Variants in DBX2 observed in about 807,000 individuals in gnomAD.
DBX2 encodes developing brain homeobox 2.
DBX2 carries 16 observed loss-of-function variants against 17.7 expected under a neutral mutation model. That is an observed-to-expected ratio of 0.90 (90% confidence interval 0.61 to 1.37). The LOEUF is 1.37. Ranked by LOEUF, DBX2 falls within the 40% of genes most tolerant of loss-of-function variation. The pLI, the probability that DBX2 is intolerant of heterozygous loss-of-function variation, is 0.00. For synonymous variants in DBX2, 255 were observed against 183.8 expected (o/e 1.39, Z -3.13); for missense variants, 538 against 433.8 (o/e 1.24, Z -2.13).
intron 1 of DBX2, among the ~76,000 whole-genome samples, chr12:45,043,177 A>T (rs928240616): frequency 1.2e-4 from 18 of 152,148 alleles, no homozygotes; most frequent in African/African-American, 4.1e-4. Context: ...CCTGGGACAG[A>T]TTTTAAATGA....
intron 3 of DBX2, among the ~76,000 whole-genome samples, chr12:45,018,178 C>CATTT (rs1447773733): frequency 6.6e-6 from 1 of 152,140 alleles, no homozygotes; most frequent in Non-Finnish European, 1.5e-5. Flanking sequence ...TTGCAGTGGG[C>CATTT]ATTTACTCCT....
chr12:45,050,986 C>T lies in DBX2; in HGVS notation c.-59G>A, dbSNP rs1429671688. ...CTTGCGCCCGCCTGTCGCCCGGGCG[C>T]CCCGCACCGCACCCAGAGCCGCAGC... On this transcript the variant is annotated 5_prime_UTR_variant, in exon 1 of 4. Transcript: ENST00000332700. The T allele has an allele frequency of 1.7e-5, 23 of 1,341,868 alleles. No homozygotes were observed. Among genetic ancestry groups the T allele is most frequent in the Middle Eastern group, 5.4e-4 (2 of 3,688 alleles). 83.1% of individuals were successfully genotyped at this position (1,341,868 alleles called of 1,614,324 possible).
chr12:45,032,872 T>G (rs1361990480), intron 2 of DBX2, among the ~76,000 whole-genome samples: 1 of 152,258 alleles, frequency 6.6e-6, no homozygotes, highest in African/African-American at 2.4e-5. Context: ...TCCTACACTT[T>G]AAGTAATTTT....
At chr12:45,037,429 C>A (rs1218163800) in intron 1 of DBX2, among the ~76,000 whole-genome samples, 8 of 152,140 alleles carry the variant, frequency 5.3e-5, no homozygotes, top group Non-Finnish European at 7.4e-5. Flanking sequence ...CTTCCCTGGT[C>A]TTAGGGAAAG....
At chr12:45,022,267 G>A (rs543558643) in intron 3 of DBX2, among the ~76,000 whole-genome samples, 2 of 150,420 alleles carry the variant, frequency 1.3e-5, no homozygotes, top group East Asian at 3.9e-4. Flanking sequence ...CACTTCCCTA[G>A]GGTCAAGGAG....
At chr12:45,016,787 T>C (rs2731054) in intron 3 of DBX2, among the ~76,000 whole-genome samples, 169 bp from the exon 4 acceptor site, 79,016 of 151,720 alleles carry the variant, frequency 0.52, 21,113 homozygotes, top group East Asian at 0.81. Context: ...AAATATCCCA[T>C]TGTATTTTAT....
chr12:45,042,526 C>G (rs1946477164), intron 1 of DBX2, among the ~76,000 whole-genome samples: 1 of 152,128 alleles, frequency 6.6e-6, no homozygotes, highest in Non-Finnish European at 1.5e-5. Flanking sequence ...GGACAAAGCC[C>G]CACGGGTGAA....
At chr12:45,044,486 A>T (rs1368659058) in intron 1 of DBX2, among the ~76,000 whole-genome samples, 1 of 152,162 alleles carries the variant, frequency 6.6e-6, no homozygotes, top group Non-Finnish European at 1.5e-5. Flanking sequence ...TATATATTCT[A>T]TTTCTGATGG....
intron 2 of DBX2, among the ~76,000 whole-genome samples, chr12:45,031,418 T>A (rs1946410680): frequency 6.6e-6 from 1 of 152,044 alleles, no homozygotes; most frequent in East Asian, 1.9e-4. Flanking sequence ...TAGAAATCAT[T>A]CCCTTATAAC....
At chr12:45,024,801 C>G (rs1447008472) in intron 2 of DBX2, among the ~76,000 whole-genome samples, 3 of 152,242 alleles carry the variant, frequency 2.0e-5, no homozygotes, top group Middle Eastern at 3.4e-3. Flanking sequence ...CTGACATAAA[C>G]CTGGGATAGG....
At chr12:45,039,993 C>T (rs1183574065) in intron 1 of DBX2, among the ~76,000 whole-genome samples, 2 of 152,102 alleles carry the variant, frequency 1.3e-5, no homozygotes, top group African/African-American at 4.8e-5. Flanking sequence ...TCATATCCTA[C>T]TATGATGGTT....
At chr12:45,037,791 T>C (rs1301808429) in intron 1 of DBX2, among the ~76,000 whole-genome samples, 1 of 152,056 alleles carries the variant, frequency 6.6e-6, no homozygotes, top group South Asian at 2.1e-4. Flanking sequence ...TGCTTTAAAA[T>C]TGCAAATTAA....
chr12:45,033,850 C>T (rs898080558), intron 2 of DBX2, among the ~76,000 whole-genome samples: 1 of 152,030 alleles, frequency 6.6e-6, no homozygotes, highest in African/African-American at 2.4e-5. Context: ...CTTCATAAAC[C>T]TCCAGGGATA....
chr12:45,029,637 G>A (rs1946398218), intron 2 of DBX2, among the ~76,000 whole-genome samples: 1 of 152,120 alleles, frequency 6.6e-6, no homozygotes, highest in African/African-American at 2.4e-5. Context: ...GGCGGAGGTG[G>A]GCAGATTGCC....
At chr12:45,049,659 A>T (rs535845334) in intron 1 of DBX2, among the ~76,000 whole-genome samples, 2 of 118,506 alleles carry the variant, frequency 1.7e-5, no homozygotes, top group Admixed American at 1.6e-4. Flanking sequence ...TTAAGGACGC[A>T]GCCAAAAAAA....
intron 1 of DBX2, among the ~76,000 whole-genome samples, chr12:45,047,786 T>C (rs1032035921): frequency 1.3e-5 from 2 of 152,130 alleles, no homozygotes; most frequent in African/African-American, 4.8e-5. Context: ...TCTGAAGATT[T>C]TGGGCAATTT....
intron 1 of DBX2, among the ~76,000 whole-genome samples, chr12:45,038,503 A>G (rs1056264261): frequency 3.3e-5 from 5 of 151,078 alleles, no homozygotes; most frequent in African/African-American, 7.3e-5. Flanking sequence ...TGTATGCAAT[A>G]TGTGTGTGTG....
chr12:45,022,321 T>TTTG (rs1565580636), intron 3 of DBX2, among the ~76,000 whole-genome samples: 1 of 147,986 alleles, frequency 6.8e-6, no homozygotes, highest in African/African-American at 2.5e-5. Flanking sequence ...TTTTTTTTTT[T>TTTG]GAGATGGAGT....
chr12:45,028,462 C>T (rs1388319667), intron 2 of DBX2, among the ~76,000 whole-genome samples: 1 of 149,574 alleles, frequency 6.7e-6, no homozygotes, highest in African/African-American at 2.5e-5. Context: ...CATTTTGGCT[C>T]TTCTTCACCA....
Sources: allele counts gnomAD v4.1 joint callset (sites outside exome capture counted in the v4.1 genomes callset), GRCh38; gene constraint gnomAD v4.1.1; transcripts MANE v1.5; gene names NCBI Gene and HGNC (gene_info 2026-07-23, HGNC 2026-07-21).